The following KSR2 variants were observed in gnomAD, a reference collection of about 807,000 sequenced individuals.
The protein encoded by KSR2 is kinase suppressor of ras 2.
In KSR2, 25 loss-of-function variants were observed where a neutral mutation model predicts 107.8. The ratio of observed to expected loss-of-function variants is 0.23; its 90% CI spans 0.17 to 0.32. The LOEUF is 0.32. Among genes scored for constraint, KSR2 ranks in the 10% least tolerant of loss-of-function variants. The probability of loss-of-function intolerance (pLI) is 1.00; values close to 1 mark genes in which losing one functional copy is unlikely to be tolerated. For synonymous variants in KSR2, 480 were observed against 507.0 expected, an observed-to-expected ratio of 0.95 and a Z score of 0.71; for missense variants, 887 against 1,268.9, an observed-to-expected ratio of 0.70 and a Z score of 4.57.
intron 6 of KSR2, among the ~76,000 whole-genome samples, chr12:117,579,484 C>T (rs372211046): frequency 1.3e-5 from 2 of 152,244 alleles, no homozygotes; most frequent in African/African-American, 2.4e-5. Context: ...AGTAAGCACT[C>T]GATAAATTGG....
intron 5 of KSR2, among the ~76,000 whole-genome samples, chr12:117,643,719 A>AGCCCCCC (rs1793887819): frequency 6.6e-6 from 1 of 152,154 alleles, no homozygotes; most frequent in Admixed American, 6.5e-5. Context: ...CTTGTTAAAT[A>AGCCCCCC]GCCCCCCGAT....
At chr12:117,731,321 C>CATGCGGGAGGGAGGTGG (rs1565984108) in intron 4 of KSR2, among the ~76,000 whole-genome samples, 4 of 150,144 alleles carry the variant, frequency 2.7e-5, no homozygotes, top group East Asian at 2.0e-4. Context: ...GCAGCCGCCC[C>CATGCGGGAGGGAGGTGG]GTCTGAGAAG....
intron 17 of KSR2, among the ~76,000 whole-genome samples, chr12:117,473,920 A>G (rs978460125): frequency 3.3e-5 from 5 of 152,202 alleles, no homozygotes; most frequent in African/African-American, 1.2e-4. Context: ...GCAACATGGT[A>G]TCTGCTTCCA....
At chr12:117,720,630 T>C (rs561714515) in intron 4 of KSR2, among the ~76,000 whole-genome samples, 30 of 152,360 alleles carry the variant, frequency 2.0e-4, no homozygotes, top group African/African-American at 7.2e-4. Flanking sequence ...CTCCACCCTT[T>C]GGTCTTAACC....
intron 5 of KSR2, among the ~76,000 whole-genome samples, chr12:117,619,136 T>C (rs569619314): frequency 6.6e-6 from 1 of 152,014 alleles, no homozygotes; most frequent in Non-Finnish European, 1.5e-5. Context: ...ATGGGCAGGC[T>C]ACCAACCTGG....
chr12:117,627,429 G>A (rs147817690), intron 5 of KSR2, among the ~76,000 whole-genome samples: 3,423 of 152,254 alleles, frequency 0.022, 93 homozygotes, highest in East Asian at 0.08. Flanking sequence ...TTACTTGTCC[G>A]TAAAGGATTT....
chr12:117,807,500 A>G (rs1404830672), intron 3 of KSR2, among the ~76,000 whole-genome samples: 3 of 152,216 alleles, frequency 2.0e-5, no homozygotes, highest in African/African-American at 7.2e-5. Flanking sequence ...ACCAAATATC[A>G]GCTCCCATTT....
At chr12:117,580,046 G>A (rs10850845) in intron 6 of KSR2, among the ~76,000 whole-genome samples, 22,881 of 152,128 alleles carry the variant, frequency 0.15, 1,987 homozygotes, top group South Asian at 0.21. Flanking sequence ...TTGTGTCACC[G>A]TCAGCAGGAG....
intron 4 of KSR2, among the ~76,000 whole-genome samples, chr12:117,757,723 T>G (rs556594941): frequency 2.6e-5 from 4 of 152,232 alleles, no homozygotes; most frequent in Admixed American, 1.3e-4. Flanking sequence ...TGATCATTAG[T>G]GTTTTTTAGT....
Position 117,573,009 on chromosome 12 carries a change from A to T in KSR2, c.1325+6110T>A, listed in dbSNP as rs60845209. 3.0e-4 allele frequency among the ~76,000 whole-genome samples: 46 copies of T among 152,328 alleles called. No homozygotes were observed. The East Asian group carries it at 8.3e-3, about 27-fold the overall frequency. Reference sequence around the variant, plus strand: ...TATGTGAATTGTGCTGACATTCTACACTCAGAGCTAAACTCCATTCCGCTC... The same window carrying T: ...TATGTGAATTGTGCTGACATTCTACTCTCAGAGCTAAACTCCATTCCGCTC... On this transcript the variant is annotated intron_variant, in intron 7 of 19. Coordinates refer to ENST00000339824, the MANE Select transcript of KSR2 (RefSeq NM_173598.6).
At chr12:117,618,305 T>C (rs1005926885) in intron 5 of KSR2, among the ~76,000 whole-genome samples, 1 of 152,022 alleles carries the variant, frequency 6.6e-6, no homozygotes, top group Non-Finnish European at 1.5e-5. Flanking sequence ...ACTGGACACA[T>C]TGATATTTAC....
intron 14 of KSR2, among the ~76,000 whole-genome samples, chr12:117,495,207 A>G (rs1367004371): frequency 6.6e-6 from 1 of 152,190 alleles, no homozygotes; most frequent in Admixed American, 6.5e-5. Flanking sequence ...CTCAAATCCC[A>G]GTTAATTGTC....
At chr12:117,876,640 A>G (rs1179837310) in intron 1 of KSR2, among the ~76,000 whole-genome samples, 1 of 151,972 alleles carries the variant, frequency 6.6e-6, no homozygotes, top group African/African-American at 2.4e-5. Flanking sequence ...TAACATTTAC[A>G]CAATAATACA....
Position 117,574,017 on chromosome 12 carries a change from T to C in KSR2, c.1325+5102A>G, listed in dbSNP as rs75538086. ...CATTATGAAATGTCCCGCTGGGCAA[T>C]AAAGCTTGATTTTGTTTTTTAAACC... On this transcript the variant is annotated intron_variant, in intron 7 of 19. Coordinates refer to ENST00000339824, the MANE Select transcript of KSR2 (RefSeq NM_173598.6). Among the ~76,000 whole-genome samples the C allele has an allele frequency of 3.2e-3, 490 of 152,162 alleles. 1 individual carries two copies. The highest frequency in any genetic ancestry group is 0.011 in the African/African-American group (457 of 41,514).
At chr12:117,799,846 A>C (rs1232628752) in intron 3 of KSR2, among the ~76,000 whole-genome samples, 2 of 152,184 alleles carry the variant, frequency 1.3e-5, no homozygotes, top group East Asian at 3.8e-4. Context: ...ACTCTGGGGC[A>C]CCTAAAAGGC....
intron 4 of KSR2, among the ~76,000 whole-genome samples, chr12:117,685,311 C>T (rs1357995482): frequency 6.6e-6 from 1 of 152,224 alleles, no homozygotes; most frequent in Non-Finnish European, 1.5e-5. Flanking sequence ...TTTACACAGG[C>T]CATCATTTCC....
chr12:117,469,861 C>T, intron 18 of KSR2, 66 bp from the exon 19 acceptor site: 3 of 1,559,066 alleles, frequency 1.9e-6, no homozygotes, highest in Non-Finnish European at 2.6e-6. Flanking sequence ...TTTGGCATCA[C>T]ATTTGGTCTG....
At chr12:117,933,027 A>T (rs1352522347) in intron 1 of KSR2, among the ~76,000 whole-genome samples, 1 of 151,990 alleles carries the variant, frequency 6.6e-6, no homozygotes, top group African/African-American at 2.4e-5. Context: ...TAAATAAATA[A>T]ATAAAAACAA....
At chr12:117,637,109 C>A (rs761671494) in intron 5 of KSR2, among the ~76,000 whole-genome samples, 6 of 152,054 alleles carry the variant, frequency 3.9e-5, no homozygotes, top group Non-Finnish European at 7.4e-5. Context: ...GGCACCATCT[C>A]CTCACCTTCT....
Sources: gnomAD v4.1 joint callset for allele counts (sites outside exome capture counted in the v4.1 genomes callset) on GRCh38, gnomAD v4.1.1 for gene constraint, MANE v1.5 for transcripts, NCBI Gene and HGNC (gene_info 2026-07-23, HGNC 2026-07-21) for gene names.